The following MAF variants were observed in gnomAD, a reference collection of about 807,000 sequenced individuals.
The protein encoded by MAF is MAF bZIP transcription factor, also known as transcription factor Maf.
MAF carries 10 observed loss-of-function variants against 22.0 expected under a neutral mutation model. The ratio of observed to expected loss-of-function variants is 0.45; its 90% CI spans 0.28 to 0.77. The LOEUF (loss-of-function observed/expected upper bound fraction) is 0.77, where lower values mean the gene tolerates loss of function less well. Ranked by LOEUF, MAF falls within the 30% of genes least tolerant of loss-of-function variation. The probability of loss-of-function intolerance (pLI) is 0.12; values close to 1 mark genes in which losing one functional copy is unlikely to be tolerated. For synonymous variants in MAF, 337 were observed against 255.8 expected (o/e 1.32, Z -3.03); for missense variants, 544 against 548.4 (o/e 0.99, Z 0.08).
the MAF span, among the ~76,000 whole-genome samples, chr16:79,445,617 G>A: frequency 1.3e-5 from 2 of 152,292 alleles, no homozygotes; most frequent in East Asian, 3.9e-4. Context: ...GACCCTTGCT[G>A]GATTTCAAAG....
At chr16:79,259,259 G>T in the MAF span, among the ~76,000 whole-genome samples, 4 of 152,076 alleles carry the variant, frequency 2.6e-5, no homozygotes, top group Non-Finnish European at 4.4e-5. Flanking sequence ...GCCCACGCTT[G>T]CCCACTCCGG....
chr16:79,245,337 C>A, the MAF span, among the ~76,000 whole-genome samples: 133 of 152,054 alleles, frequency 8.7e-4, 1 homozygote, highest in African/African-American at 2.9e-3. Context: ...GGGCTAATAC[C>A]TGGAATCTAC....
the MAF span, among the ~76,000 whole-genome samples, chr16:79,429,367 C>T: frequency 6.6e-6 from 1 of 152,192 alleles, no homozygotes; most frequent in Non-Finnish European, 1.5e-5. Context: ...ACTTTCTGCT[C>T]TTTTGTGTGC....
chr16:79,598,049 T>TAA (rs34724349), intron 1 of MAF: 483 of 880,788 alleles, frequency 5.5e-4, no homozygotes, highest in Middle Eastern at 2.1e-3. Context: ...ATAACAATGC[T>TAA]AAAAAAAAAA....
chr16:79,567,793 A>G, the MAF span, among the ~76,000 whole-genome samples: 1 of 152,168 alleles, frequency 6.6e-6, no homozygotes, highest in Admixed American at 6.5e-5. Flanking sequence ...ATGTGTGCAA[A>G]ATACCTTCTA....
At chr16:79,403,559 A>C in the MAF span, among the ~76,000 whole-genome samples, 1 of 152,058 alleles carries the variant, frequency 6.6e-6, no homozygotes, top group African/African-American at 2.4e-5. Flanking sequence ...TGCCTCCCTT[A>C]ATGCCACTCT....
At chr16:79,389,976 C>CAAAAA in the MAF span, among the ~76,000 whole-genome samples, 30 of 62,958 alleles carry the variant, frequency 4.8e-4, no homozygotes, top group African/African-American at 1.7e-3. Flanking sequence ...GACTCCATCT[C>CAAAAA]AAAAAAAAAA....
the MAF span, chr16:79,202,839 G>C: frequency 6.6e-6 from 1 of 152,174 alleles, no homozygotes; most frequent in Admixed American, 6.5e-5. Context: ...TAGGGGAAGA[G>C]AAAGGCAGCC....
At chr16:79,537,451 G>A in the MAF span, among the ~76,000 whole-genome samples, 1 of 152,106 alleles carries the variant, frequency 6.6e-6, no homozygotes, top group Non-Finnish European at 1.5e-5. Flanking sequence ...TTTTACAGCT[G>A]AAGGCATTAA....
At chr16:79,322,800 T>C in the MAF span, among the ~76,000 whole-genome samples, 8 of 152,040 alleles carry the variant, frequency 5.3e-5, no homozygotes, top group Admixed American at 5.2e-4. Flanking sequence ...AATGTCACCC[T>C]GTAGTCAGCT....
chr16:79,353,697 G>A, the MAF span, among the ~76,000 whole-genome samples: 1 of 152,092 alleles, frequency 6.6e-6, no homozygotes, highest in Admixed American at 6.5e-5. Context: ...AGGCAACTGA[G>A]GTCCTGAGAG....
the MAF span, among the ~76,000 whole-genome samples, chr16:79,394,950 C>A: frequency 6.6e-6 from 1 of 152,164 alleles, no homozygotes; most frequent in African/African-American, 2.4e-5. Flanking sequence ...CACTCCAGGC[C>A]AGCTCTATAG....
chr16:79,277,860 A>G, the MAF span, among the ~76,000 whole-genome samples: 4 of 152,184 alleles, frequency 2.6e-5, no homozygotes, highest in Admixed American at 2.6e-4. Flanking sequence ...TTTAGGAGGC[A>G]TTATATCTGT....
At chr16:79,550,972 T>C in the MAF span, among the ~76,000 whole-genome samples, 1 of 152,084 alleles carries the variant, frequency 6.6e-6, no homozygotes, top group Non-Finnish European at 1.5e-5. Context: ...CGTGGTTCCT[T>C]TGGAGGCCCC....
the MAF span, among the ~76,000 whole-genome samples, chr16:79,252,281 A>AAAACTTTATTTATTTAT: frequency 4.6e-5 from 7 of 151,812 alleles, no homozygotes; most frequent in Non-Finnish European, 1.0e-4. Flanking sequence ...ATGTTCCAAT[A>AAAACTTTATTTATTTAT]AAACTTTATT....
the MAF span, among the ~76,000 whole-genome samples, chr16:79,271,905 C>G: frequency 6.6e-6 from 1 of 152,242 alleles, no homozygotes; most frequent in African/African-American, 2.4e-5. Context: ...TCCCTGACCC[C>G]TCTGCCTCCC....
At chr16:79,541,190 C>G in the MAF span, among the ~76,000 whole-genome samples, 4 of 152,210 alleles carry the variant, frequency 2.6e-5, no homozygotes, top group Admixed American at 2.6e-4. Context: ...ACTGTTACTA[C>G]TGCTGCTTCT....
the MAF span, among the ~76,000 whole-genome samples, chr16:79,404,174 T>TC: frequency 1.3e-5 from 2 of 150,680 alleles, no homozygotes; most frequent in Non-Finnish European, 3.0e-5. Flanking sequence ...CTTTTTTTTT[T>TC]TTTTTTTTCA....
the MAF span, among the ~76,000 whole-genome samples, chr16:79,478,396 G>A: frequency 6.6e-6 from 1 of 152,166 alleles, no homozygotes. Context: ...GGACCAGAAT[G>A]GGAGTCCAGG....
Sources: allele counts gnomAD v4.1 joint callset (sites outside exome capture counted in the v4.1 genomes callset), GRCh38; gene constraint gnomAD v4.1.1; transcripts MANE v1.5; gene names NCBI Gene and HGNC (gene_info 2026-07-23, HGNC 2026-07-21).